XCR1: variants seen among roughly 807,000 people sequenced by gnomAD.
The protein encoded by XCR1 is chemokine XC receptor 1.
For synonymous variants in XCR1, 187 were observed against 188.5 expected (o/e 0.99, Z 0.06); for missense variants, 356 against 424.2 (o/e 0.84, Z 1.41).
chr3:46,051,797 C>T (rs747758634), intron 5 of XCR1, among the ~76,000 whole-genome samples: 33 of 152,184 alleles, frequency 2.2e-4, no homozygotes, highest in Non-Finnish European at 4.0e-4. Context: ...GAGGCTGAGG[C>T]AGGCGGATCA....
At chr3:46,073,694 T>C (rs1212674324) in intron 3 of XCR1, among the ~76,000 whole-genome samples, 1 of 150,610 alleles carries the variant, frequency 6.6e-6, no homozygotes, top group African/African-American at 2.5e-5. Context: ...GGGACTAATA[T>C]CCAGAATTTA....
intron 4 of XCR1, among the ~76,000 whole-genome samples, chr3:46,057,921 TATCTATCTATCTAC>T (rs1697883509): frequency 6.8e-6 from 1 of 146,354 alleles, no homozygotes; most frequent in Admixed American, 6.8e-5. Flanking sequence ...TCTATCTATC[TATCTATCTATCTAC>T]GCATCCATCT....
chr3:46,024,071 GT>G, intron 1 of XCR1: 1 of 945,932 alleles, frequency 1.1e-6, no homozygotes, highest in Non-Finnish European at 1.7e-6. Flanking sequence ...CCAATCCCCA[GT>G]CTTCCTCCCT....
chr3:46,036,115 C>T (rs556573800), intron 5 of XCR1, among the ~76,000 whole-genome samples: 6 of 152,204 alleles, frequency 3.9e-5, no homozygotes, highest in African/African-American at 1.4e-4. Context: ...ATGCTTGTCC[C>T]CAATATTGTT....
chr3:46,040,125 A>G (rs1194146462), intron 5 of XCR1, among the ~76,000 whole-genome samples: 1 of 152,166 alleles, frequency 6.6e-6, no homozygotes, highest in African/African-American at 2.4e-5. Context: ...TTTGAGTAAA[A>G]CCACAGAAGA....
exon 5 of XCR1, among the ~76,000 whole-genome samples, chr3:46,054,069 G>A (rs1490087886): frequency 1.3e-5 from 2 of 152,134 alleles, no homozygotes; most frequent in Non-Finnish European, 2.9e-5. Flanking sequence ...GACCTAGGGG[G>A]ACTGAACAAA....
chr3:46,035,889 A>T (rs1209805312), intron 5 of XCR1, among the ~76,000 whole-genome samples: 1 of 152,086 alleles, frequency 6.6e-6, no homozygotes, highest in African/African-American at 2.4e-5. Flanking sequence ...TGGGTACCAG[A>T]TAGCAGGATG....
chr3:46,065,091 C>CA (rs1370899636), intron 4 of XCR1, among the ~76,000 whole-genome samples: 4 of 149,320 alleles, frequency 2.7e-5, no homozygotes, highest in African/African-American at 1.0e-4. Context: ...AACCCTGTCT[C>CA]AAAAAAATAA....
At chr3:46,058,708 C>T (rs1192637129) in intron 4 of XCR1, among the ~76,000 whole-genome samples, 2 of 152,062 alleles carry the variant, frequency 1.3e-5, no homozygotes, top group Non-Finnish European at 2.9e-5. Context: ...GGACTATAGA[C>T]GGGTGCCACC....
chr3:46,085,211 TAAA>T (rs11294019), intron 1 of XCR1, among the ~76,000 whole-genome samples: 3 of 137,358 alleles, frequency 2.2e-5, no homozygotes, highest in African/African-American at 5.4e-5. Flanking sequence ...CATATATTAT[TAAA>T]AAAAAAAAAA....
At chr3:46,082,110 T>C (rs6794103) in intron 1 of XCR1, among the ~76,000 whole-genome samples, 62,826 of 152,064 alleles carry the variant, frequency 0.41, 13,834 homozygotes, top group East Asian at 0.67. Flanking sequence ...CAACCCTACC[T>C]GAGGGGACGT....
At chr3:46,082,477 T>A in intron 1 of XCR1, among the ~76,000 whole-genome samples, 1 of 7,914 alleles carries the variant, frequency 1.3e-4, no homozygotes, top group Non-Finnish European at 1.7e-4. Flanking sequence ...ATCAGGCTCC[T>A]TTTTTTTTTT....
chr3:46,029,126 C>A (rs772302353), upstream of XCR1, among the ~76,000 whole-genome samples: 26 of 152,108 alleles, frequency 1.7e-4, no homozygotes, highest in Non-Finnish European at 3.1e-4. Flanking sequence ...CAACTTTGTT[C>A]TTTCTTCTAT....
chr3:46,075,949 A>G (rs1030620285), intron 2 of XCR1, among the ~76,000 whole-genome samples: 7 of 152,214 alleles, frequency 4.6e-5, no homozygotes, highest in Non-Finnish European at 8.8e-5. Context: ...ATACTTTGCT[A>G]TCTAGTTTGG....
intron 1 of XCR1, among the ~76,000 whole-genome samples, chr3:46,025,090 G>T (rs924745494): frequency 6.6e-6 from 1 of 152,132 alleles, no homozygotes; most frequent in South Asian, 2.1e-4. Context: ...AAGAATAAAC[G>T]TCTAAAATCT....
chr3:46,062,614 G>T (rs1452936598), intron 4 of XCR1, among the ~76,000 whole-genome samples: 1 of 152,158 alleles, frequency 6.6e-6, no homozygotes, highest in Non-Finnish European at 1.5e-5. Context: ...TACTCTTTTG[G>T]GAATTTTCCC....
intron 4 of XCR1, among the ~76,000 whole-genome samples, chr3:46,054,105 CA>C (rs1697804925): frequency 6.6e-6 from 1 of 152,108 alleles, no homozygotes; most frequent in African/African-American, 2.4e-5. Flanking sequence ...GAATAAAAGA[CA>C]AAGACAAAAG....
intron 5 of XCR1, among the ~76,000 whole-genome samples, chr3:46,034,125 C>T (rs1257509120): frequency 1.3e-5 from 2 of 151,964 alleles, no homozygotes; most frequent in Non-Finnish European, 2.9e-5. Context: ...GGTGCCTGCC[C>T]TCATGCCCAG....
chr3:46,077,272 G>A (rs965359519), intron 1 of XCR1, among the ~76,000 whole-genome samples: 3 of 152,040 alleles, frequency 2.0e-5, no homozygotes, highest in Non-Finnish European at 4.4e-5. Context: ...TATTACCACC[G>A]GAGGTCCTCC....
Sources: allele counts gnomAD v4.1 joint callset (sites outside exome capture counted in the v4.1 genomes callset), GRCh38; gene constraint gnomAD v4.1.1; transcripts MANE v1.5; gene names NCBI Gene and HGNC (gene_info 2026-07-23, HGNC 2026-07-21).